Variants in ANKRD46 observed in about 807,000 individuals in gnomAD.
The protein encoded by ANKRD46 is ankyrin repeat domain 46.
Under a neutral mutation model 19.8 loss-of-function variants are expected in ANKRD46, and 13 were observed. The observed-to-expected ratio is 0.66, with a 90% CI of 0.43 to 1.04. The LOEUF (loss-of-function observed/expected upper bound fraction) is 1.04, where lower values mean the gene tolerates loss of function less well. ANKRD46 is among the 50% of genes least tolerant of loss of function. The pLI, the probability that ANKRD46 is intolerant of heterozygous loss-of-function variation, is 0.00. For missense variants in ANKRD46, 185 were observed against 274.8 expected (o/e 0.67, Z 2.31); for synonymous variants, 91 against 106.9 (o/e 0.85, Z 0.92).
intron 2 of ANKRD46, among the ~76,000 whole-genome samples, chr8:100,531,660 T>C (rs1198710170): frequency 1.3e-5 from 2 of 152,156 alleles, no homozygotes; most frequent in Non-Finnish European, 2.9e-5. Context: ...TTGTTTTAAA[T>C]TGAGACAGGT....
At chr8:100,515,237 T>C in intron 5 of ANKRD46, among the ~76,000 whole-genome samples, 1 of 152,186 alleles carries the variant, frequency 6.6e-6, no homozygotes, top group East Asian at 1.9e-4. Context: ...ATATAATTGC[T>C]TCGCTGTTAA....
chr8:100,558,481 A>T (rs976038325), intron 1 of ANKRD46, among the ~76,000 whole-genome samples: 1 of 152,228 alleles, frequency 6.6e-6, no homozygotes, highest in Non-Finnish European at 1.5e-5. Flanking sequence ...TTTCAAATCA[A>T]ATTGTACTGG....
At chr8:100,522,883 A>C in intron 4 of ANKRD46, 112 bp from the exon 5 acceptor site, 2 of 557,986 alleles carry the variant, frequency 3.6e-6, no homozygotes, top group Non-Finnish European at 6.2e-6. Context: ...ACACACACAC[A>C]CACACACACA....
rs948908622 is a variant in ANKRD46 at position 100,550,435 on chromosome 8, CAT to C, written c.-131+9274_-131+9275del. On this transcript the variant is annotated intron_variant, in intron 1 of 4. Transcript: ENST00000335659. The surrounding 1 kb of genome is among the most constrained non-coding windows in gnomAD (Gnocchi z 4.4). ...GACATATGACGTGGAGCATCTTTTT[CAT>C]ATGTTTATTTGCCATCTGTATATCC... 5.3e-5 allele frequency: 8 copies of C among 152,080 alleles called. No homozygotes were observed. Among genetic ancestry groups the C allele is most frequent in the African/African-American group, 1.9e-4 (8 of 41,370 alleles). The allele number at this position is 152,080 out of a possible 1,614,324, so 9.4% of individuals were successfully genotyped here.
At chr8:100,556,250 A>G (rs1213749139) in intron 1 of ANKRD46, among the ~76,000 whole-genome samples, 1 of 152,080 alleles carries the variant, frequency 6.6e-6, no homozygotes, top group Admixed American at 6.5e-5. Flanking sequence ...TGAACTCCTG[A>G]GCTCAACAGA....
At position 100,511,165 on chromosome 8, in the gene ANKRD46, T is replaced by C. The variant is rs1403378592; in HGVS notation, c.637-526A>G. ...CAGCTGATCCCCTGGTTAGCATTAC[T>C]ATTCCCATGTAACAGATGAGCTGAG... On this transcript the variant is annotated intron_variant, in intron 5 of 5. Transcript: ENST00000520552. This position sits in a 1 kb window ranked among gnomAD's most constrained non-coding sequence, Gnocchi z 4.1. 2.0e-5 allele frequency among the ~76,000 whole-genome samples: 3 copies of C among 152,220 alleles called. No homozygotes were observed. The highest frequency in any genetic ancestry group is 3.8e-4 in the East Asian group (2 of 5,198).
rs1232910678 is a variant in ANKRD46 at position 100,559,524 on chromosome 8, T to A, written c.-131+187A>T. 6.6e-6 allele frequency: 1 copy of A among 152,270 alleles called. No homozygotes were observed. The highest frequency in any genetic ancestry group is 1.5e-5 in the Non-Finnish European group (1 of 68,114). 9.4% of individuals were successfully genotyped at this position (152,270 alleles called of 1,614,324 possible). A position where few individuals can be genotyped will look rare whatever the true frequency, so the allele number is the denominator to read the frequency against. ...GAACACACAGACCGCGAAGAAGCCA[T>A]CACGGACCCGCGGTCGCTTCCTCGG... On this transcript the variant is annotated intron_variant, in intron 1 of 4. Coordinates refer to ENST00000335659, the MANE Select transcript of ANKRD46 (RefSeq NM_001270377.2). This position sits in a 1 kb window ranked among gnomAD's most constrained non-coding sequence, Gnocchi z 6.0.
chr8:100,525,848 C>G lies in ANKRD46; in HGVS notation c.470+1997G>C, dbSNP rs1159178012. On this transcript the variant is annotated intron_variant, in intron 4 of 4. Transcript: ENST00000335659. This position sits in a 1 kb window ranked among gnomAD's most constrained non-coding sequence, Gnocchi z 4.4. ...CAAAGAAGCTGCTCTACTTTCCATT[C>G]CCATCAGCAGTGTATGAGGGTTCCA... Among the ~76,000 whole-genome samples, 3 of 152,188 alleles carry G rather than the reference C, an allele frequency of 2.0e-5. No homozygotes were observed. Among genetic ancestry groups the G allele is most frequent in the Admixed American group, 1.3e-4 (2 of 15,278 alleles).
At chr8:100,542,021 A>G (rs979791140) in intron 1 of ANKRD46, among the ~76,000 whole-genome samples, 2 of 152,138 alleles carry the variant, frequency 1.3e-5, no homozygotes, top group African/African-American at 4.8e-5. Context: ...ACAATGAAAT[A>G]ATCTAATGGT....
rs1277461134 is a variant in ANKRD46 at position 100,525,728 on chromosome 8, T to C, written c.470+2117A>G. Among the ~76,000 whole-genome samples the C allele has an allele frequency of 1.3e-5, 2 of 152,222 alleles. No homozygotes were observed. Among genetic ancestry groups the C allele is most frequent in the Non-Finnish European group, 2.9e-5 (2 of 68,034 alleles). On this transcript the variant is annotated intron_variant, in intron 4 of 4. Transcript: ENST00000335659. The surrounding 1 kb of genome is among the most constrained non-coding windows in gnomAD (Gnocchi z 4.4). ...TTCATATATAAGTTTTGTGTGGACA[T>C]ATGTTTCAATTTTCTTTGGTATATT...
At chr8:100,530,690 C>T (rs1348246979) in intron 2 of ANKRD46, among the ~76,000 whole-genome samples, 1 of 152,050 alleles carries the variant, frequency 6.6e-6, no homozygotes, top group Non-Finnish European at 1.5e-5. Context: ...TGGCCTATAG[C>T]ACAAATTTTA....
At chr8:100,522,846 T>C (rs1476480947) in intron 4 of ANKRD46, 75 bp from the exon 5 acceptor site, 2 of 1,225,818 alleles carry the variant, frequency 1.6e-6, no homozygotes, top group East Asian at 2.5e-5. Flanking sequence ...ACAGGGCTAC[T>C]ATTTAGAAAA....
In ANKRD46 at chr8:100,557,204, A is replaced by G. The variant is rs1812519896; in HGVS notation, c.-131+2507T>C. ...TCTCTATAACCCCACTTGAACAGGC[A>G]TCTCAAACCTGACTAAAACTGGCTC... On this transcript the variant is annotated intron_variant, in intron 1 of 4. Transcript: ENST00000335659. The surrounding 1 kb of genome is among the most constrained non-coding windows in gnomAD (Gnocchi z 5.9). Among the ~76,000 whole-genome samples, 1 of 152,174 alleles carries G rather than the reference A, an allele frequency of 6.6e-6. No homozygotes were observed.
chr8:100,546,099 C>T lies in ANKRD46; in HGVS notation c.-130-12788G>A, dbSNP rs970416475. Among the ~76,000 whole-genome samples the T allele has an allele frequency of 5.3e-5, 8 of 152,214 alleles. No individual in the cohort carries two copies. In the East Asian group the frequency reaches 1.5e-3, roughly 29 times the overall value. On this transcript the variant is annotated intron_variant, in intron 1 of 4. Transcript: ENST00000335659. The surrounding 1 kb of genome is among the most constrained non-coding windows in gnomAD (Gnocchi z 4.0). ...GCATAAAAGTTTGGAAATTTGCAGCCTGACTGGTAGAAAAGAAAACCCCAT... is the reference window on the plus strand; with the variant it reads ...GCATAAAAGTTTGGAAATTTGCAGCTTGACTGGTAGAAAAGAAAACCCCAT...
At position 100,521,279 on chromosome 8, in the gene ANKRD46, C is replaced by T; in HGVS notation, c.*1276G>A. 1 of 985,274 alleles carries T rather than the reference C, an allele frequency of 1.0e-6. No individual in the cohort carries two copies. The allele number at this position is 985,274 out of a possible 1,614,324, so 61.0% of individuals were successfully genotyped here. A position where few individuals can be genotyped will look rare whatever the true frequency, so the allele number is the denominator to read the frequency against. The stretch of plus-strand genomic sequence containing the variant: ...CTAGCAGCAATTCAATTAGCAATAG[C>T]TTAGGTGCCTTTATTCCAAAAAACA... On this transcript the variant is annotated 3_prime_UTR_variant, in exon 5 of 5. Transcript: ENST00000335659.
intron 1 of ANKRD46, chr8:100,551,538 C>T (rs571805981): frequency 5.7e-5 from 46 of 809,818 alleles, no homozygotes; most frequent in East Asian, 4.2e-4. Flanking sequence ...TCAGCCTTGA[C>T]GGTGTGGTGG....
At position 100,542,577 on chromosome 8, in the gene ANKRD46, T is replaced by G. The variant is rs531307583; in HGVS notation, c.-130-9266A>C. Reference sequence around the variant, plus strand: ...TGTGGCTTTAAAGGGAATCTGTGGCTCTTTTCCTGCTGTCCCTGCTCTGGA... The same window carrying G: ...TGTGGCTTTAAAGGGAATCTGTGGCGCTTTTCCTGCTGTCCCTGCTCTGGA... On this transcript the variant is annotated intron_variant, in intron 1 of 4. Coordinates refer to ENST00000335659, the MANE Select transcript of ANKRD46 (RefSeq NM_001270377.2). Among the ~76,000 whole-genome samples the G allele has an allele frequency of 1.0e-3, 152 of 152,270 alleles. 1 individual carries two copies. The highest frequency in any genetic ancestry group is 3.5e-3 in the African/African-American group (144 of 41,556).
In ANKRD46 at chr8:100,534,103, T is replaced by C. The variant is rs917225893; in HGVS notation, c.-130-792A>G. 6.6e-6 allele frequency among the ~76,000 whole-genome samples: 1 copy of C among 152,236 alleles called. No homozygotes were observed. Among genetic ancestry groups the C allele is most frequent in the Non-Finnish European group, 1.5e-5 (1 of 68,034 alleles). On this transcript the variant is annotated intron_variant, in intron 1 of 4. Transcript: ENST00000335659. The surrounding 1 kb of genome is among the most constrained non-coding windows in gnomAD (Gnocchi z 4.2). ...TGTGCCTGCAATGTGCCAGATACCA[T>C]GCTATCAAGTCCAAATCCCAAATTC... is the stretch of plus-strand genomic sequence containing the variant.
chr8:100,527,565 TTC>T lies in ANKRD46; in HGVS notation c.470+278_470+279del, dbSNP rs1161796409. 2.0e-5 allele frequency among the ~76,000 whole-genome samples: 3 copies of T among 152,212 alleles called. No individual in the cohort carries two copies. The highest frequency in any genetic ancestry group is 4.4e-5 in the Non-Finnish European group (3 of 68,042). The stretch of plus-strand genomic sequence containing the variant: ...TTATGCGCACATGACATGTAGTACT[TTC>T]TGTTAATAGCTTCTCAATTGTAATC... On this transcript the variant is annotated intron_variant, in intron 4 of 4. Coordinates refer to ENST00000335659, the MANE Select transcript of ANKRD46 (RefSeq NM_001270377.2). This position sits in a 1 kb window ranked among gnomAD's most constrained non-coding sequence, Gnocchi z 4.0.
Sources: allele counts gnomAD v4.1 joint callset (sites outside exome capture counted in the v4.1 genomes callset), GRCh38; gene constraint gnomAD v4.1.1; non-coding constraint Gnocchi (gnomAD v3.1); transcripts MANE v1.5; gene names NCBI Gene and HGNC (gene_info 2026-07-23, HGNC 2026-07-21).